Variants in RGS17 observed in about 807,000 individuals in gnomAD.
RGS17 encodes the protein regulator of G-protein signaling 17.
In RGS17, 12 loss-of-function variants were observed where a neutral mutation model predicts 25.5. The ratio of observed to expected loss-of-function variants is 0.47; its 90% confidence interval spans 0.30 to 0.76. RGS17 has a LOEUF of 0.76. Ranked by LOEUF, RGS17 falls within the 30% of genes least tolerant of loss-of-function variation. The pLI is 0.07. For missense variants in RGS17, 196 were observed against 242.2 expected, an observed-to-expected ratio of 0.81 and a Z score of 1.27; for synonymous variants, 71 against 76.9, an observed-to-expected ratio of 0.92 and a Z score of 0.40.
At chr6:153,020,109 A>ATATATATATATAT (rs1371960019) in intron 4 of RGS17, among the ~76,000 whole-genome samples, 3 of 60,874 alleles carry the variant, frequency 4.9e-5, no homozygotes, top group African/African-American at 2.1e-4. Flanking sequence ...TTAAAAAAAA[A>ATATATATATATAT]AAATATATAT....
intron 1 of RGS17, among the ~76,000 whole-genome samples, chr6:153,110,444 A>G (rs113645090): frequency 6.6e-6 from 1 of 151,910 alleles, no homozygotes; most frequent in African/African-American, 2.4e-5. Flanking sequence ...ACACACACAC[A>G]CACACACACA....
chr6:153,103,161 GGAGGA>G (rs1777329385), intron 1 of RGS17, among the ~76,000 whole-genome samples: 2 of 152,140 alleles, frequency 1.3e-5, no homozygotes, highest in African/African-American at 4.8e-5. Context: ...AAGATATACA[GGAGGA>G]TCTAACATTT....
rs1031112227 is a variant in RGS17 at position 153,007,158 on chromosome 6, TAAATC to T, written c.*4411_*4415del. On this transcript the variant is annotated 3_prime_UTR_variant, in exon 5 of 5. Transcript: ENST00000206262. ...TAATAATTTCAAAAATACCTATAAATAAATCAAATCTGGGTATTCAGAAATAATAC... is the reference window on the plus strand; with the variant it reads ...TAATAATTTCAAAAATACCTATAAATAAATCTGGGTATTCAGAAATAATAC... 1 of 152,196 alleles carries T rather than the reference TAAATC, an allele frequency of 6.6e-6. No homozygotes were observed. The highest frequency in any genetic ancestry group is 2.4e-5 in the African/African-American group (1 of 41,456). 9.4% of individuals were successfully genotyped at this position (152,196 alleles called of 1,614,324 possible). A position where few individuals can be genotyped will look rare whatever the true frequency, so the allele number is the denominator to read the frequency against.
intron 1 of RGS17, among the ~76,000 whole-genome samples, chr6:153,113,774 C>T (rs1449993094): frequency 1.3e-5 from 2 of 152,154 alleles, no homozygotes; most frequent in East Asian, 3.9e-4. Flanking sequence ...GATTAAGAAA[C>T]TCACTCCAAA....
intron 4 of RGS17, among the ~76,000 whole-genome samples, chr6:153,015,047 T>C (rs947975861): frequency 6.6e-5 from 10 of 152,128 alleles, no homozygotes; most frequent in Non-Finnish European, 1.5e-4. Context: ...ACTGCAGATG[T>C]GGTGGAAATG....
At chr6:153,070,886 T>C (rs112524270) in intron 1 of RGS17, among the ~76,000 whole-genome samples, 1 of 150,092 alleles carries the variant, frequency 6.7e-6, no homozygotes, top group Non-Finnish European at 1.5e-5. Flanking sequence ...CATATACGCA[T>C]ATGTACATAT....
Position 153,043,887 on chromosome 6 carries a change from TA to T in RGS17, c.119+12del. 1 of 1,568,250 alleles carries T rather than the reference TA, an allele frequency of 6.4e-7. No individual in the cohort carries two copies. Among genetic ancestry groups the T allele is most frequent in the Non-Finnish European group, 8.7e-7 (1 of 1,143,154 alleles). ...AAGCCTGGGTGTGGCATCCTACAGG[TA>T]ACATGACATACCAGGAGCAGCTGCA... On this transcript the variant is annotated intron_variant, in intron 2 of 4. Coordinates refer to ENST00000206262, the MANE Select transcript of RGS17 (RefSeq NM_012419.5).
At chr6:153,089,049 C>T (rs1777089435) in intron 1 of RGS17, among the ~76,000 whole-genome samples, 1 of 152,092 alleles carries the variant, frequency 6.6e-6, no homozygotes, top group African/African-American at 2.4e-5. Context: ...GAACTGCTCC[C>T]ACCTATAAAA....
intron 1 of RGS17, among the ~76,000 whole-genome samples, chr6:153,093,679 C>G (rs2129122087): frequency 6.6e-6 from 1 of 152,272 alleles, no homozygotes; most frequent in South Asian, 2.1e-4. Flanking sequence ...TCAAAGAGAA[C>G]AGAAAGGCAC....
chr6:153,111,034 C>T (rs966894556), intron 1 of RGS17, among the ~76,000 whole-genome samples: 1 of 151,854 alleles, frequency 6.6e-6, no homozygotes, highest in African/African-American at 2.4e-5. Context: ...ACCAAGCTAG[C>T]TGCAGGAGTG....
intron 1 of RGS17, among the ~76,000 whole-genome samples, chr6:153,121,375 C>T (rs1370523902): frequency 6.6e-6 from 1 of 152,208 alleles, no homozygotes; most frequent in Non-Finnish European, 1.5e-5. Flanking sequence ...TCTAACCAGA[C>T]TAGAACTCTC....
rs573372931 is a variant in RGS17 at position 153,092,556 on chromosome 6, T to C, written c.-26+38568A>G. On this transcript the variant is annotated intron_variant, in intron 1 of 4. Coordinates refer to ENST00000206262, the MANE Select transcript of RGS17 (RefSeq NM_012419.5). ...TCCCATCTTTACTCATTCTGCCTTT[T>C]GGATAAAACATGTACAATTATATAT... 2.0e-5 allele frequency among the ~76,000 whole-genome samples: 3 copies of C among 152,324 alleles called. No homozygotes were observed. The South Asian group carries it at 6.2e-4, about 32-fold the overall frequency.
chr6:153,131,027 C>T (rs1777785308), intron 1 of RGS17, 97 bp downstream of exon 1: 1 of 152,292 alleles, frequency 6.6e-6, no homozygotes, highest in Middle Eastern at 3.4e-3. Flanking sequence ...CCTTCCTTCA[C>T]CTCCCCCCTA....
chr6:153,103,627 C>T (rs1354093467), intron 1 of RGS17, among the ~76,000 whole-genome samples: 2 of 152,064 alleles, frequency 1.3e-5, no homozygotes, highest in Non-Finnish European at 1.5e-5. Flanking sequence ...AGAGAGACCC[C>T]GAAAAACCAA....
At chr6:153,084,425 A>C (rs1018999346) in intron 1 of RGS17, among the ~76,000 whole-genome samples, 15 of 152,176 alleles carry the variant, frequency 9.9e-5, no homozygotes, top group African/African-American at 3.4e-4. Context: ...GGTCACTGCA[A>C]CCAGAGAAGG....
intron 1 of RGS17, among the ~76,000 whole-genome samples, chr6:153,058,498 T>C (rs1776593806): frequency 6.6e-6 from 1 of 152,200 alleles, no homozygotes; most frequent in African/African-American, 2.4e-5. Flanking sequence ...AATCAACTCG[T>C]TATCCAACAA....
intron 1 of RGS17, among the ~76,000 whole-genome samples, chr6:153,081,947 T>G (rs2129119502): frequency 6.6e-6 from 1 of 152,332 alleles, no homozygotes; most frequent in Non-Finnish European, 1.5e-5. Flanking sequence ...ATTTTCTCAG[T>G]TATTGATGAC....
At position 153,051,011 on chromosome 6, in the gene RGS17, G is replaced by A. The variant is rs77336259; in HGVS notation, c.-25-6968C>T. Among the ~76,000 whole-genome samples, 265 of 152,298 alleles carry A rather than the reference G, an allele frequency of 1.7e-3. 1 individual carries two copies. Among genetic ancestry groups the A allele is most frequent in the African/African-American group, 6.1e-3 (255 of 41,556 alleles). On this transcript the variant is annotated intron_variant, in intron 1 of 4. Coordinates refer to ENST00000206262, the MANE Select transcript of RGS17 (RefSeq NM_012419.5). ...TCTTCTTCTCTCCATGTGAGGACAC[G>A]GAAAGAAGATAGTCATCTACAACCA...
Position 153,070,140 on chromosome 6 carries a change from C to T in RGS17, c.-25-26097G>A, listed in dbSNP as rs1776766695. On this transcript the variant is annotated intron_variant, in intron 1 of 4. Transcript: ENST00000206262. ...AAGGAATAAAGGCTCTACTCAGCAG[C>T]CCTGACACAGCTATTCCCAACCTCC... 3.3e-5 allele frequency among the ~76,000 whole-genome samples: 5 copies of T among 152,172 alleles called. No homozygotes were observed. In the South Asian group the frequency reaches 1.0e-3, roughly 32 times the overall value.
Sources: allele counts gnomAD v4.1 joint callset (sites outside exome capture counted in the v4.1 genomes callset), GRCh38; gene constraint gnomAD v4.1.1; transcripts MANE v1.5; gene names NCBI Gene and HGNC (gene_info 2026-07-23, HGNC 2026-07-21).